Variants in DUSP22 observed in about 807,000 individuals in gnomAD.
DUSP22 encodes dual specificity phosphatase 22, also known as dual specificity protein phosphatase 22.
DUSP22 carries 24 observed loss-of-function variants against 24.5 expected under a neutral mutation model. The observed-to-expected ratio is 0.98, with a 90% confidence interval of 0.71 to 1.38. DUSP22 has a LOEUF of 1.38. Ranked by LOEUF, DUSP22 falls within the 40% of genes most tolerant of loss-of-function variation. DUSP22 has a pLI of 0.00. For missense variants in DUSP22, 330 were observed against 269.2 expected, an observed-to-expected ratio of 1.23 and a Z score of -1.58; for synonymous variants, 160 against 106.4, an observed-to-expected ratio of 1.50 and a Z score of -3.10.
At chr6:327,503 T>TAATTTCTTCA in intron 3 of DUSP22, among the ~76,000 whole-genome samples, 2 of 152,426 alleles carry the variant, frequency 1.3e-5, no homozygotes, top group East Asian at 3.8e-4. Flanking sequence ...TTTGGAACCG[T>TAATTTCTTCA]TTACAGGAGA....
intron 3 of DUSP22, among the ~76,000 whole-genome samples, chr6:331,718 C>G (rs1393412318): frequency 6.6e-6 from 1 of 152,304 alleles, no homozygotes; most frequent in African/African-American, 2.4e-5. Flanking sequence ...GTATCTGAAG[C>G]TGTTCTAAGG....
intron 1 of DUSP22, among the ~76,000 whole-genome samples, chr6:295,760 A>C (rs1218099267): frequency 6.7e-6 from 1 of 148,608 alleles, no homozygotes; most frequent in Non-Finnish European, 1.5e-5. Flanking sequence ...TGATTGTGCC[A>C]CCGCACTCCA....
rs1356551000 is a variant in DUSP22 at position 292,509 on chromosome 6, G to A, written c.-31G>A. ...GCCATAGTGCGCCTGCGACCACACG[G>A]CCGGGGCGCTAGCGTTCGCCTTCAG... On this transcript the variant is annotated 5_prime_UTR_variant, in exon 1 of 7. Coordinates refer to ENST00000419235, the MANE Select transcript of DUSP22 (RefSeq NM_001286555.3). 2.5e-6 allele frequency: 4 copies of A among 1,604,592 alleles called. No homozygotes were observed. Among genetic ancestry groups the A allele is most frequent in the South Asian group, 2.2e-5 (2 of 90,358 alleles).
At chr6:339,413 A>G (rs1289299134) in intron 4 of DUSP22, among the ~76,000 whole-genome samples, 2 of 152,312 alleles carry the variant, frequency 1.3e-5, no homozygotes, top group African/African-American at 2.4e-5. Context: ...TTTTCTGTCT[A>G]TTCAAGTAAA....
intron 1 of DUSP22, among the ~76,000 whole-genome samples, chr6:294,017 T>A (rs1469599476): frequency 6.6e-6 from 1 of 152,284 alleles, no homozygotes; most frequent in Middle Eastern, 3.2e-3. Flanking sequence ...TTCCTTTGGC[T>A]GTTTCTAGTT....
At chr6:348,080 A>T in intron 5 of DUSP22, 23 bp from the exon 6 acceptor site, 1 of 1,613,436 alleles carries the variant, frequency 6.2e-7, no homozygotes, top group South Asian at 1.1e-5. Flanking sequence ...GCCCTCACAC[A>T]TGTGCTTCTC....
intron 2 of DUSP22, 43 bp downstream of exon 2, chr6:304,704 C>T (rs1218672682): frequency 1.2e-6 from 2 of 1,610,390 alleles, no homozygotes; most frequent in Middle Eastern, 3.3e-4. Context: ...ATACACATAA[C>T]ATAAAATGTG....
intron 5 of DUSP22, 152 bp downstream of exon 5, chr6:346,080 T>A (rs1370762075): frequency 1.0e-6 from 1 of 990,456 alleles, no homozygotes; most frequent in East Asian, 2.7e-5. Context: ...TGTCCAGCGC[T>A]GTGTGTTAGT....
chr6:343,387 T>TGGCTGGCTGCAGGGGGGCAGCTGACA, intron 4 of DUSP22, among the ~76,000 whole-genome samples: 1 of 152,268 alleles, frequency 6.6e-6, no homozygotes, highest in Non-Finnish European at 1.5e-5. Flanking sequence ...GGCAGCTGAC[T>TGGCTGGCTGCAGGGGGGCAGCTGACA]GGCTGGCTGC....
At chr6:316,503 G>A (rs373591232) in intron 3 of DUSP22, among the ~76,000 whole-genome samples, 51 of 152,402 alleles carry the variant, frequency 3.3e-4, no homozygotes, top group Middle Eastern at 3.4e-3. Flanking sequence ...TGTCTTCAGC[G>A]TCTACTGATG....
chr6:313,757 T>C (rs976629653), intron 3 of DUSP22, among the ~76,000 whole-genome samples: 13 of 152,308 alleles, frequency 8.5e-5, no homozygotes, highest in Non-Finnish European at 1.8e-4. Context: ...ATTGCCCCTC[T>C]TAGCATTTTA....
chr6:343,139 T>G (rs1196497504), intron 4 of DUSP22, among the ~76,000 whole-genome samples: 1 of 152,306 alleles, frequency 6.6e-6, no homozygotes, highest in African/African-American at 2.4e-5. Flanking sequence ...GCAGGAATCC[T>G]TTCTTGCCTG....
intron 1 of DUSP22, among the ~76,000 whole-genome samples, chr6:297,319 C>T (rs1360829247): frequency 6.6e-6 from 1 of 152,304 alleles, no homozygotes; most frequent in African/African-American, 2.4e-5. Context: ...TATTAGAACA[C>T]ATTTTTCCAA....
chr6:345,787 G>T lies in DUSP22; in HGVS notation c.189-67G>T, dbSNP rs1759835790. 1.3e-5 allele frequency: 21 copies of T among 1,566,380 alleles called. No individual in the cohort carries two copies. In the South Asian group the frequency reaches 2.2e-4, roughly 16 times the overall value. ...CATTTTAAGAAAGAAGCCTCAGGTA[G>T]AATTTTCTTTTCATCATATATTGAG... is the stretch of plus-strand genomic sequence containing the variant. On this transcript the variant is annotated intron_variant, in intron 4 of 6. Transcript: ENST00000419235.
At chr6:339,995 A>C (rs1218811799) in intron 4 of DUSP22, among the ~76,000 whole-genome samples, 1 of 152,308 alleles carries the variant, frequency 6.6e-6, no homozygotes, top group Non-Finnish European at 1.5e-5. Flanking sequence ...TGAAAGTGGC[A>C]TTCAGTTTTC....
chr6:350,996 A>G lies in DUSP22; in HGVS notation c.*2045A>G. 7.6e-7 allele frequency: 1 copy of G among 1,307,976 alleles called. No homozygotes were observed. Among genetic ancestry groups the G allele is most frequent in the Non-Finnish European group, 1.1e-6 (1 of 917,076 alleles). 81.0% of individuals were successfully genotyped at this position (1,307,976 alleles called of 1,614,324 possible). A position where few individuals can be genotyped will look rare whatever the true frequency, so the allele number is the denominator to read the frequency against. On this transcript the variant is annotated 3_prime_UTR_variant, in exon 7 of 7. Transcript: ENST00000419235. ...ACTTGTTTTTCATTTGAAGCTGAAT[A>G]TATACGTAGTCATGTTTATGTTGAG...
chr6:324,271 A>T (rs981240722), intron 3 of DUSP22, among the ~76,000 whole-genome samples: 1 of 152,296 alleles, frequency 6.6e-6, no homozygotes, highest in African/African-American at 2.4e-5. Context: ...GTGCCATGCT[A>T]GCAGCGGCAG....
rs1407342775 is a variant in DUSP22, at chr6:350,332, C to T, written c.*1381C>T. 2.7e-5 allele frequency: 27 copies of T among 1,012,478 alleles called. No individual in the cohort carries two copies. Among genetic ancestry groups the T allele is most frequent in the South Asian group, 1.2e-4 (3 of 24,678 alleles). 62.7% of individuals were successfully genotyped at this position (1,012,478 alleles called of 1,614,324 possible). A position where few individuals can be genotyped will look rare whatever the true frequency, so the allele number is the denominator to read the frequency against. ...GCTGCAGGCATCCTGGGACGCTGTACGCAATTCAGTGGTCTAGTCCTTTAT... is the reference window on the plus strand; with the variant it reads ...GCTGCAGGCATCCTGGGACGCTGTATGCAATTCAGTGGTCTAGTCCTTTAT... On this transcript the variant is annotated 3_prime_UTR_variant, in exon 7 of 7. Transcript: ENST00000419235.
At chr6:305,728 G>A (rs1169033107) in intron 2 of DUSP22, among the ~76,000 whole-genome samples, 1 of 152,416 alleles carries the variant, frequency 6.6e-6, no homozygotes, top group Non-Finnish European at 1.5e-5. Context: ...AGATAGAGAT[G>A]AGGGGCCCTT....
Sources: gnomAD v4.1 joint callset for allele counts (sites outside exome capture counted in the v4.1 genomes callset) on GRCh38, gnomAD v4.1.1 for gene constraint, MANE v1.5 for transcripts, NCBI Gene and HGNC (gene_info 2026-07-23, HGNC 2026-07-21) for gene names.